CHD6: variants seen among roughly 807,000 people sequenced by gnomAD.
CHD6 encodes the protein ATP-dependent chromatin remodeler CHD6.
In CHD6, 50 loss-of-function variants were observed where a neutral mutation model predicts 276.9. That is an observed-to-expected ratio of 0.18 (90% confidence interval 0.14 to 0.23). CHD6 has a LOEUF of 0.23. Among genes scored for constraint, CHD6 ranks in the 10% least tolerant of loss-of-function variants. The probability of loss-of-function intolerance (pLI) is 1.00; values close to 1 mark genes in which losing one functional copy is unlikely to be tolerated. For missense variants in CHD6, 2,564 were observed against 3,365.8 expected (o/e 0.76, Z 5.89); for synonymous variants, 1,173 against 1,229.3 (o/e 0.95, Z 0.96).
chr20:41,611,709 T>C (rs1430846900), intron 1 of CHD6, among the ~76,000 whole-genome samples: 1 of 152,008 alleles, frequency 6.6e-6, no homozygotes, highest in East Asian at 1.9e-4. Context: ...TGGATCTCAG[T>C]TCACTGCAAC....
intron 3 of CHD6, among the ~76,000 whole-genome samples, chr20:41,524,228 G>A (rs947753674): frequency 5.9e-5 from 9 of 152,016 alleles, no homozygotes; most frequent in Admixed American, 2.6e-4. Context: ...CCATAATACC[G>A]GTATTAACTG....
At chr20:41,550,527 T>C (rs2045129261) in intron 2 of CHD6, among the ~76,000 whole-genome samples, 1 of 152,142 alleles carries the variant, frequency 6.6e-6, no homozygotes, top group Non-Finnish European at 1.5e-5. Context: ...TAGAGTTCCC[T>C]AGAAGCAAAC....
chr20:41,469,870 C>A (rs60157641), intron 17 of CHD6, among the ~76,000 whole-genome samples: 27,313 of 152,240 alleles, frequency 0.18, 2,643 homozygotes, highest in Non-Finnish European at 0.21. Flanking sequence ...TAACTTTAAT[C>A]TCTTTTGTTA....
At chr20:41,598,485 G>A (rs536443279) in intron 1 of CHD6, among the ~76,000 whole-genome samples, 1 of 152,270 alleles carries the variant, frequency 6.6e-6, no homozygotes, top group African/African-American at 2.4e-5. Flanking sequence ...CAACGGGCAG[G>A]CCAGAAACCC....
At chr20:41,419,186 T>C (rs1188923575) in intron 31 of CHD6, among the ~76,000 whole-genome samples, 1 of 152,146 alleles carries the variant, frequency 6.6e-6, no homozygotes, top group African/African-American at 2.4e-5. Flanking sequence ...GGCTTCTCGG[T>C]TTTTATCTTA....
chr20:41,521,602 C>T (rs571375023), intron 3 of CHD6, among the ~76,000 whole-genome samples: 145 of 151,938 alleles, frequency 9.5e-4, no homozygotes, highest in African/African-American at 3.2e-3. Flanking sequence ...TTCATATGTG[C>T]GCGTTTGTAT....
rs553462120 is a variant in CHD6, at chr20:41,558,106, G to A, written c.-23-6746C>T. On this transcript the variant is annotated intron_variant, in intron 1 of 36. Transcript: ENST00000373233. ...ACCTCTTATCAAGACTCCTGACCTC[G>A]GAGGCAGTCCAGTGGGTAAGAAATC... Among the ~76,000 whole-genome samples, 8 of 152,200 alleles carry A rather than the reference G, an allele frequency of 5.3e-5. No individual in the cohort carries two copies. The East Asian group carries it at 1.2e-3, about 22-fold the overall frequency.
intron 8 of CHD6, among the ~76,000 whole-genome samples, chr20:41,494,888 G>A (rs1267524531): frequency 6.6e-6 from 1 of 151,996 alleles, no homozygotes; most frequent in Non-Finnish European, 1.5e-5. Flanking sequence ...ACCTCTTTAG[G>A]AGTAGCATCA....
In CHD6 at chr20:41,415,178, A is replaced by G. The variant is rs369485705; in HGVS notation, c.6939+8T>C. ...AAATGTTTTTAATCTAATGACCTCA[A>G]TACCCACCAAGATTCCCGCCTGAAG... On this transcript the variant is annotated splice_region_variant and intron_variant, in intron 34 of 36. Transcript: ENST00000373233. 155 of 1,611,518 alleles carry G rather than the reference A, an allele frequency of 9.6e-5. No individual in the cohort carries two copies. The African/African-American group carries it at 1.9e-3, about 20-fold the overall frequency.
chr20:41,516,800 A>G (rs1239086928), intron 3 of CHD6, among the ~76,000 whole-genome samples: 1 of 152,154 alleles, frequency 6.6e-6, no homozygotes, highest in African/African-American at 2.4e-5. Context: ...CAGGTCCAGG[A>G]AAGAGGGAAT....
rs2045143448 is a variant in CHD6 at position 41,551,364 on chromosome 20, T to C, written c.-23-4A>G. 1.5e-6 allele frequency: 2 copies of C among 1,309,432 alleles called. No individual in the cohort carries two copies. The highest frequency in any genetic ancestry group is 1.1e-6 in the Non-Finnish European group (1 of 917,236). The allele number at this position is 1,309,432 out of a possible 1,614,324, so 81.1% of individuals were successfully genotyped here. On this transcript the variant is annotated splice_polypyrimidine_tract_variant and splice_region_variant and intron_variant, in intron 1 of 36. Transcript: ENST00000373233. ...TATTGAAGGAAGATATTTATTTCTG[T>C]AAAACATTTTTAAAAAGGCAAAGAT... is the stretch of plus-strand genomic sequence containing the variant.
intron 20 of CHD6, 75 bp from the exon 21 acceptor site, chr20:41,453,017 A>AG: frequency 2.5e-6 from 3 of 1,217,502 alleles, no homozygotes; most frequent in Non-Finnish European, 3.6e-6. Flanking sequence ...GTGTATCCTC[A>AG]GGACACATTT....
chr20:41,446,463 C>A (rs2048072823), intron 24 of CHD6, among the ~76,000 whole-genome samples: 1 of 152,160 alleles, frequency 6.6e-6, no homozygotes, highest in Non-Finnish European at 1.5e-5. Context: ...GGAGAGCTCA[C>A]ATAAACCCTA....
At chr20:41,443,593 A>G (rs1402087877) in intron 25 of CHD6, among the ~76,000 whole-genome samples, 1 of 151,920 alleles carries the variant, frequency 6.6e-6, no homozygotes, top group African/African-American at 2.4e-5. Flanking sequence ...TTTTCTGGGG[A>G]TGTCTTGTTT....
intron 1 of CHD6, among the ~76,000 whole-genome samples, chr20:41,610,178 TTCC>T: frequency 6.6e-6 from 1 of 152,250 alleles, no homozygotes; most frequent in East Asian, 1.9e-4. Flanking sequence ...CTACAGTAAT[TTCC>T]TCCTTCTTGT....
chr20:41,617,789 C>T (rs1265558054), intron 1 of CHD6, among the ~76,000 whole-genome samples: 1 of 151,890 alleles, frequency 6.6e-6, no homozygotes, highest in Non-Finnish European at 1.5e-5. Flanking sequence ...CGCCCCCTCC[C>T]GGAACAGCAG....
chr20:41,614,942 C>T (rs1011944689), intron 1 of CHD6, among the ~76,000 whole-genome samples: 1 of 152,238 alleles, frequency 6.6e-6, no homozygotes, highest in South Asian at 2.1e-4. Flanking sequence ...TATTCCAACA[C>T]TCCTCTTCAG....
At chr20:41,549,432 G>A (rs1200004392) in intron 2 of CHD6, among the ~76,000 whole-genome samples, 1 of 139,062 alleles carries the variant, frequency 7.2e-6, no homozygotes, top group Non-Finnish European at 1.5e-5. Flanking sequence ...TCACAGGTGG[G>A]AACTGAACAA....
intron 27 of CHD6, among the ~76,000 whole-genome samples, chr20:41,430,892 C>T (rs1278795356): frequency 1.4e-5 from 2 of 138,810 alleles, no homozygotes; most frequent in African/African-American, 5.4e-5. Flanking sequence ...TGAAGTCTAG[C>T]TCTGTCGCCC....
Sources: allele counts gnomAD v4.1 joint callset (sites outside exome capture counted in the v4.1 genomes callset), GRCh38; gene constraint gnomAD v4.1.1; transcripts MANE v1.5; gene names NCBI Gene and HGNC (gene_info 2026-07-23, HGNC 2026-07-21).